CEP63: variants seen among roughly 807,000 people sequenced by gnomAD.
CEP63 encodes the protein centrosomal protein of 63 kDa.
In CEP63, 84 loss-of-function variants were observed where a neutral mutation model predicts 89.1. That is an observed-to-expected ratio of 0.94 (90% CI 0.79 to 1.13). The LOEUF (loss-of-function observed/expected upper bound fraction) is 1.13. Among genes scored for constraint, CEP63 ranks in the 50% most tolerant of loss-of-function variants. CEP63 has a pLI of 0.00. For synonymous variants in CEP63, 267 were observed against 272.5 expected, an observed-to-expected ratio of 0.98 and a Z score of 0.20; for missense variants, 838 against 813.3, an observed-to-expected ratio of 1.03 and a Z score of -0.37.
chr3:134,579,604 C>T (rs1958296637), downstream of CEP63, among the ~76,000 whole-genome samples: 1 of 152,188 alleles, frequency 6.6e-6, no homozygotes, highest in Admixed American at 6.5e-5. Flanking sequence ...TACATTCAAA[C>T]CTTCTGCGCA....
the CEP63 span, among the ~76,000 whole-genome samples, chr3:134,774,097 C>T: frequency 6.6e-6 from 1 of 152,158 alleles, no homozygotes; most frequent in Non-Finnish European, 1.5e-5. Flanking sequence ...AAAGCACATC[C>T]CTCTGGGGCC....
At chr3:134,734,695 T>C in the CEP63 span, among the ~76,000 whole-genome samples, 1 of 152,188 alleles carries the variant, frequency 6.6e-6, no homozygotes, top group Non-Finnish European at 1.5e-5. Flanking sequence ...CTGATAATCA[T>C]TGAAGTTCAG....
the CEP63 span, among the ~76,000 whole-genome samples, chr3:134,623,077 C>T: frequency 2.0e-5 from 3 of 152,246 alleles, no homozygotes; most frequent in Non-Finnish European, 2.9e-5. Flanking sequence ...GAATGGTACT[C>T]AGCATTGCAG....
chr3:134,751,892 C>T, the CEP63 span, among the ~76,000 whole-genome samples: 1 of 152,192 alleles, frequency 6.6e-6, no homozygotes, highest in Non-Finnish European at 1.5e-5. Context: ...TCTGGGCTCC[C>T]TCAGCACTTC....
chr3:134,512,904 G>C (rs1178676354), intron 3 of CEP63, among the ~76,000 whole-genome samples: 1 of 152,026 alleles, frequency 6.6e-6, no homozygotes, highest in African/African-American at 2.4e-5. Context: ...TTTTTGTACT[G>C]CTTTTTTGTT....
At chr3:134,583,471 T>C (rs1468871974) in intron 10 of CEP63, among the ~76,000 whole-genome samples, 1 of 152,192 alleles carries the variant, frequency 6.6e-6, no homozygotes, top group East Asian at 1.9e-4. Context: ...TTCAGGTTTG[T>C]CAAAGATCAG....
chr3:134,623,164 C>T, the CEP63 span, among the ~76,000 whole-genome samples: 1 of 152,234 alleles, frequency 6.6e-6, no homozygotes, highest in African/African-American at 2.4e-5. Flanking sequence ...GTCCCCACCT[C>T]CTGGCCCCAC....
chr3:134,619,122 A>G, the CEP63 span: 1 of 1,575,672 alleles, frequency 6.3e-7, no homozygotes, highest in Non-Finnish European at 8.7e-7. Flanking sequence ...TCCGGTGGTC[A>G]GCATGGGGAC....
At chr3:134,567,099 G>A (rs887788101), downstream of CEP63, among the ~76,000 whole-genome samples, 3 of 150,482 alleles carry the variant, frequency 2.0e-5, no homozygotes, top group African/African-American at 7.3e-5. Flanking sequence ...TTTGAATGAA[G>A]TATTATACTA....
chr3:134,761,717 C>G, the CEP63 span, among the ~76,000 whole-genome samples: 1 of 151,554 alleles, frequency 6.6e-6, no homozygotes, highest in Non-Finnish European at 1.5e-5. Flanking sequence ...AAATTCACAA[C>G]AAAATTTGTA....
intron 6 of CEP63, among the ~76,000 whole-genome samples, chr3:134,541,966 A>G (rs1220588906): frequency 1.3e-5 from 2 of 152,202 alleles, no homozygotes; most frequent in Non-Finnish European, 2.9e-5. Context: ...GTACAGTCTA[A>G]AACTAAGGTC....
At chr3:134,643,078 C>T in the CEP63 span, among the ~76,000 whole-genome samples, 1 of 152,196 alleles carries the variant, frequency 6.6e-6, no homozygotes, top group Admixed American at 6.5e-5. Flanking sequence ...GCAGCGTGCT[C>T]TGAGGCCCAT....
chr3:134,521,098 G>A (rs548945668), intron 3 of CEP63, among the ~76,000 whole-genome samples: 108 of 152,106 alleles, frequency 7.1e-4, no homozygotes, highest in Middle Eastern at 3.4e-3. Flanking sequence ...TAACTGAGTA[G>A]AAAAATGGGC....
chr3:134,493,005 G>T (rs968643144), intron 1 of CEP63, among the ~76,000 whole-genome samples: 6 of 151,902 alleles, frequency 3.9e-5, no homozygotes, highest in Non-Finnish European at 5.9e-5. Context: ...TAACTTCTAA[G>T]TATATTATTA....
At chr3:134,560,803 A>T (rs1957211408) in intron 14 of CEP63, among the ~76,000 whole-genome samples, 1 of 152,216 alleles carries the variant, frequency 6.6e-6, no homozygotes, top group South Asian at 2.1e-4. Flanking sequence ...GTGTTTGCTA[A>T]TTCAGTGTTT....
chr3:134,638,501 C>G, the CEP63 span, among the ~76,000 whole-genome samples: 1 of 152,180 alleles, frequency 6.6e-6, no homozygotes, highest in Admixed American at 6.5e-5. Flanking sequence ...TGCATCCCTC[C>G]CCAGCTCCAC....
the CEP63 span, among the ~76,000 whole-genome samples, chr3:134,611,454 A>G: frequency 6.6e-6 from 1 of 152,246 alleles, no homozygotes; most frequent in African/African-American, 2.4e-5. Context: ...TGGACTGTGC[A>G]GACAATTTCA....
chr3:134,493,789 A>G (rs1160629959), intron 1 of CEP63, among the ~76,000 whole-genome samples: 3 of 152,294 alleles, frequency 2.0e-5, no homozygotes, highest in South Asian at 2.1e-4. Context: ...TCATCACTAT[A>G]TATCTAGTTG....
At chr3:134,666,793 C>G in the CEP63 span, among the ~76,000 whole-genome samples, 1 of 152,234 alleles carries the variant, frequency 6.6e-6, no homozygotes, top group Non-Finnish European at 1.5e-5. Flanking sequence ...TCTGTCCTAT[C>G]AGTTCATTTC....
Sources: allele counts gnomAD v4.1 joint callset (sites outside exome capture counted in the v4.1 genomes callset), GRCh38; gene constraint gnomAD v4.1.1; transcripts MANE v1.5; gene names NCBI Gene and HGNC (gene_info 2026-07-23, HGNC 2026-07-21).